The following GRB2 variants were observed in gnomAD, a reference collection of about 807,000 sequenced individuals.
GRB2 encodes the protein growth factor receptor bound protein 2, also known as growth factor receptor-bound protein 2.
In GRB2, 2 loss-of-function variants were observed where a neutral mutation model predicts 27.4. The ratio of observed to expected loss-of-function variants is 0.07; its 90% CI spans 0.03 to 0.23. The LOEUF (loss-of-function observed/expected upper bound fraction) is 0.23. GRB2 is among the 10% of genes least tolerant of loss of function. GRB2 has a pLI of 1.00. For synonymous variants in GRB2, 94 were observed against 99.6 expected (o/e 0.94, Z 0.33); for missense variants, 102 against 282.4 (o/e 0.36, Z 4.58).
chr17:75,320,660 C>A lies in GRB2; in HGVS notation c.469-107G>T. ...GGAAACGAATGCGTGCCAAATTCTC[C>A]ATGTTTCTTAAACTCACCTCCCATC... On this transcript the variant is annotated intron_variant, in intron 5 of 5. Coordinates refer to ENST00000316804, the MANE Select transcript of GRB2 (RefSeq NM_002086.5). This position sits in a 1 kb window ranked among gnomAD's most constrained non-coding sequence, Gnocchi z 4.3. The A allele has an allele frequency of 1.3e-6, 1 of 775,088 alleles. No individual in the cohort carries two copies. Among genetic ancestry groups the A allele is most frequent in the Non-Finnish European group, 2.2e-6 (1 of 462,860 alleles). The allele number at this position is 775,088 out of a possible 1,614,324, so 48.0% of individuals were successfully genotyped here.
chr17:75,374,403 CAAAAAAA>C (rs56404809), intron 2 of GRB2, among the ~76,000 whole-genome samples: 2 of 88,800 alleles, frequency 2.3e-5, no homozygotes, highest in Non-Finnish European at 2.1e-5. Context: ...GACTCCATAT[CAAAAAAA>C]AAAAAAAAAA....
intron 1 of GRB2, among the ~76,000 whole-genome samples, chr17:75,399,094 C>G (rs993760524): frequency 4.6e-5 from 7 of 152,084 alleles, no homozygotes; most frequent in Non-Finnish European, 8.8e-5. Context: ...ATTGCCCAGG[C>G]TGAAGTGCAG....
intron 2 of GRB2, among the ~76,000 whole-genome samples, chr17:75,334,201 C>T (rs914087405): frequency 4.0e-5 from 6 of 151,804 alleles, no homozygotes; most frequent in Middle Eastern, 3.2e-3. Context: ...GACAGAGTCT[C>T]GCTCTGTCGC....
intron 2 of GRB2, among the ~76,000 whole-genome samples, chr17:75,347,087 C>G (rs752881008): frequency 6.6e-6 from 1 of 152,152 alleles, no homozygotes; most frequent in East Asian, 1.9e-4. Context: ...AACTCCTCCC[C>G]CTTCCTTCTC....
chr17:75,367,945 C>T (rs1197113375), intron 2 of GRB2, among the ~76,000 whole-genome samples: 4 of 151,530 alleles, frequency 2.6e-5, no homozygotes, highest in African/African-American at 9.7e-5. Flanking sequence ...TGCAGTGGCA[C>T]GATGTCGGCT....
intron 2 of GRB2, among the ~76,000 whole-genome samples, chr17:75,347,796 C>T (rs1187635120): frequency 6.6e-6 from 1 of 152,160 alleles, no homozygotes; most frequent in African/African-American, 2.4e-5. Flanking sequence ...AGGTCCCCAG[C>T]TGGAGTCAAC....
In GRB2 at chr17:75,319,240, A is replaced by T. The variant is rs2078438996; in HGVS notation, c.*1128T>A. 6.6e-6 allele frequency: 1 copy of T among 152,312 alleles called. No homozygotes were observed. The highest frequency in any genetic ancestry group is 2.4e-5 in the African/African-American group (1 of 41,294). 9.4% of individuals were successfully genotyped at this position (152,312 alleles called of 1,614,324 possible). Reference sequence around the variant, plus strand: ...CTGGCTCCCCTGCCCGGAGGGAAAAATATTTACACAGAGTAGGAGACAAAT... The same window carrying T: ...CTGGCTCCCCTGCCCGGAGGGAAAATTATTTACACAGAGTAGGAGACAAAT... On this transcript the variant is annotated 3_prime_UTR_variant, in exon 6 of 6. Coordinates refer to ENST00000316804, the MANE Select transcript of GRB2 (RefSeq NM_002086.5).
At chr17:75,378,327 G>A (rs1205061833) in intron 2 of GRB2, among the ~76,000 whole-genome samples, 2 of 152,112 alleles carry the variant, frequency 1.3e-5, no homozygotes, top group African/African-American at 2.4e-5. Context: ...AGGTTGTAGT[G>A]AGCTGAGATC....
chr17:75,337,901 C>CTACTACTAT (rs1375563317), intron 2 of GRB2, among the ~76,000 whole-genome samples: 26 of 117,374 alleles, frequency 2.2e-4, no homozygotes, highest in African/African-American at 1.0e-3. Flanking sequence ...ACTACTACTA[C>CTACTACTAT]TATTATTATT....
chr17:75,345,806 C>T (rs1028237698), intron 2 of GRB2, among the ~76,000 whole-genome samples: 38 of 151,824 alleles, frequency 2.5e-4, no homozygotes, highest in Non-Finnish European at 1.6e-4. Context: ...GGTCAGGGAG[C>T]AGAAAACACA....
At chr17:75,389,632 G>T (rs1309292955) in intron 2 of GRB2, among the ~76,000 whole-genome samples, 1 of 152,128 alleles carries the variant, frequency 6.6e-6, no homozygotes, top group African/African-American at 2.4e-5. Context: ...GGATCACCAG[G>T]TCAGGAGATC....
intron 2 of GRB2, among the ~76,000 whole-genome samples, chr17:75,350,819 C>A (rs1484833417): frequency 6.6e-6 from 1 of 152,138 alleles, no homozygotes; most frequent in African/African-American, 2.4e-5. Flanking sequence ...TGAATGGAAA[C>A]CCTCAGTGTA....
At chr17:75,354,514 G>A (rs1390114040) in intron 2 of GRB2, among the ~76,000 whole-genome samples, 2 of 152,076 alleles carry the variant, frequency 1.3e-5, no homozygotes, top group African/African-American at 2.4e-5. Flanking sequence ...AACTGCTCAC[G>A]CGAGGGATCT....
chr17:75,403,155 A>AT (rs386386636), intron 1 of GRB2, among the ~76,000 whole-genome samples: 1,779 of 145,528 alleles, frequency 0.012, 18 homozygotes, highest in Non-Finnish European at 0.02. Context: ...GACCAAAAAA[A>AT]ATATATATAT....
At chr17:75,387,327 C>T (rs919276235) in intron 2 of GRB2, among the ~76,000 whole-genome samples, 6 of 151,650 alleles carry the variant, frequency 4.0e-5, no homozygotes, top group East Asian at 1.9e-4. Context: ...TGTGGTAGCA[C>T]GTGCCTGTAG....
intron 2 of GRB2, among the ~76,000 whole-genome samples, chr17:75,354,737 A>C (rs1213566545): frequency 6.6e-6 from 1 of 152,232 alleles, no homozygotes; most frequent in South Asian, 2.1e-4. Context: ...TCAAACTTCC[A>C]GAAAGAGAAC....
Position 75,399,830 on chromosome 17 carries a change from C to T in GRB2, c.-138+5659G>A, listed in dbSNP as rs1377980776. On this transcript the variant is annotated intron_variant, in intron 1 of 5. Coordinates refer to ENST00000316804, the MANE Select transcript of GRB2 (RefSeq NM_002086.5). ...GACTATAGGTGCCCACCACCACACC[C>T]GGCTTATTTTTTTGTATTTTTAGTA... Among the ~76,000 whole-genome samples the T allele has an allele frequency of 4.0e-5, 6 of 149,986 alleles. No individual in the cohort carries two copies. The East Asian group carries it at 6.0e-4, about 15-fold the overall frequency.
intron 2 of GRB2, among the ~76,000 whole-genome samples, chr17:75,368,514 C>T (rs886451961): frequency 4.0e-5 from 6 of 151,282 alleles, no homozygotes; most frequent in Non-Finnish European, 7.4e-5. Context: ...TGACCCACTG[C>T]GTCAGGCGTT....
intron 2 of GRB2, among the ~76,000 whole-genome samples, chr17:75,387,092 C>T (rs972432504): frequency 2.0e-5 from 3 of 151,150 alleles, no homozygotes; most frequent in African/African-American, 4.9e-5. Flanking sequence ...ACCCAGGAGG[C>T]GGAGCTTGCA....
Sources: allele counts gnomAD v4.1 joint callset (sites outside exome capture counted in the v4.1 genomes callset), GRCh38; gene constraint gnomAD v4.1.1; non-coding constraint Gnocchi (gnomAD v3.1); transcripts MANE v1.5; gene names NCBI Gene and HGNC (gene_info 2026-07-23, HGNC 2026-07-21).